Variants in BACH2 observed in about 807,000 individuals in gnomAD.
BACH2 encodes transcription regulator protein BACH2.
In BACH2, 5 loss-of-function variants were observed where a neutral mutation model predicts 61.8. The ratio of observed to expected loss-of-function variants is 0.08; its 90% confidence interval spans 0.04 to 0.17. The LOEUF (loss-of-function observed/expected upper bound fraction) is 0.17. Ranked by LOEUF, BACH2 falls within the 10% of genes least tolerant of loss-of-function variation. The pLI is 1.00. For synonymous variants in BACH2, 446 were observed against 440.1 expected, an observed-to-expected ratio of 1.01 and a Z score of -0.17; for missense variants, 824 against 1,091.1, an observed-to-expected ratio of 0.76 and a Z score of 3.45.
chr6:90,163,315 T>TATGTA (rs1767470454), intron 4 of BACH2, among the ~76,000 whole-genome samples: 1 of 152,136 alleles, frequency 6.6e-6, no homozygotes, highest in African/African-American at 2.4e-5. Flanking sequence ...AAATAAGTCC[T>TATGTA]TGGTACTATG....
In BACH2 at chr6:90,296,784, CGCTGCTGCCGCTGCT is replaced by C. The variant is rs1193707672; in HGVS notation, c.-765_-751del. On this transcript the variant is annotated 5_prime_UTR_variant, in exon 1 of 9. Coordinates refer to ENST00000257749, the MANE Select transcript of BACH2 (RefSeq NM_021813.4). ...CGACCGCAGCCCGGGCGTGCACGGC[CGCTGCTGCCGCTGCT>C]GCTGCTGCTGCTGCTGCTGAGGCGG... 16 of 172,422 alleles carry C rather than the reference CGCTGCTGCCGCTGCT, an allele frequency of 9.3e-5. No individual in the cohort carries two copies. The highest frequency in any genetic ancestry group is 3.4e-4 in the East Asian group (2 of 5,842). 10.7% of individuals were successfully genotyped at this position (172,422 alleles called of 1,614,324 possible).
intron 1 of BACH2, among the ~76,000 whole-genome samples, chr6:90,273,836 T>C (rs1187021364): frequency 1.3e-5 from 2 of 152,224 alleles, no homozygotes; most frequent in Non-Finnish European, 2.9e-5. Context: ...TGCTCTTTCC[T>C]CTGGGTGCCC....
At chr6:90,157,816 G>A (rs1453707626) in intron 4 of BACH2, among the ~76,000 whole-genome samples, 1 of 152,162 alleles carries the variant, frequency 6.6e-6, no homozygotes, top group Non-Finnish European at 1.5e-5. Context: ...CATTTGAAAG[G>A]TATTCATTGA....
chr6:89,988,971 C>T (rs936151848), intron 6 of BACH2, among the ~76,000 whole-genome samples: 15 of 152,140 alleles, frequency 9.9e-5, no homozygotes, highest in African/African-American at 2.9e-4. Flanking sequence ...AAATCTAGGT[C>T]GAACTCTAGA....
chr6:89,985,184 T>A (rs1004203220), intron 6 of BACH2, among the ~76,000 whole-genome samples: 2 of 152,234 alleles, frequency 1.3e-5, no homozygotes, highest in Non-Finnish European at 2.9e-5. Context: ...AGCACTGCTA[T>A]CTTTCCTGGG....
intron 2 of BACH2, among the ~76,000 whole-genome samples, chr6:90,255,090 A>T (rs986362505): frequency 2.6e-5 from 4 of 152,174 alleles, no homozygotes; most frequent in African/African-American, 7.2e-5. Flanking sequence ...AATACAAATC[A>T]TATCTCTATG....
At chr6:89,999,554 A>G (rs925268679) in intron 6 of BACH2, among the ~76,000 whole-genome samples, 2 of 152,208 alleles carry the variant, frequency 1.3e-5, no homozygotes, top group African/African-American at 4.8e-5. Context: ...ATAAATTAAA[A>G]AGTTTAATTA....
chr6:90,133,056 A>T (rs576948280), intron 4 of BACH2, among the ~76,000 whole-genome samples: 1 of 152,330 alleles, frequency 6.6e-6, no homozygotes, highest in East Asian at 1.9e-4. Context: ...TATAGCACTT[A>T]CTGCTTTGAT....
At chr6:89,962,664 C>A (rs137894932) in intron 6 of BACH2, among the ~76,000 whole-genome samples, 1 of 152,130 alleles carries the variant, frequency 6.6e-6, no homozygotes, top group African/African-American at 2.4e-5. Context: ...ACACTTCTAG[C>A]CCTCCTGAAT....
At chr6:90,016,279 G>C (rs1403316633) in intron 5 of BACH2, among the ~76,000 whole-genome samples, 1 of 152,060 alleles carries the variant, frequency 6.6e-6, no homozygotes, top group Non-Finnish European at 1.5e-5. Flanking sequence ...CAATTGATTT[G>C]GCTAGGTTTA....
chr6:90,028,598 A>G (rs925442616), intron 5 of BACH2, among the ~76,000 whole-genome samples: 43 of 152,066 alleles, frequency 2.8e-4, no homozygotes, highest in African/African-American at 1.0e-3. Context: ...AAACCACGTG[A>G]GCTCTCTGTA....
intron 5 of BACH2, among the ~76,000 whole-genome samples, chr6:90,088,445 C>A (rs2127807302): frequency 6.6e-6 from 1 of 152,260 alleles, no homozygotes; most frequent in East Asian, 1.9e-4. Context: ...CTGGGCTGGA[C>A]TTCCAAATGT....
chr6:89,933,698 A>C (rs753802502), intron 8 of BACH2, among the ~76,000 whole-genome samples: 2 of 152,150 alleles, frequency 1.3e-5, no homozygotes, highest in South Asian at 4.1e-4. Flanking sequence ...CTAAAAAAGT[A>C]AGTCAGGCTG....
intron 4 of BACH2, among the ~76,000 whole-genome samples, chr6:90,176,566 A>C (rs972317049): frequency 1.3e-5 from 2 of 152,114 alleles, no homozygotes; most frequent in Non-Finnish European, 2.9e-5. Context: ...TAGATCAGGG[A>C]AACGACACAC....
intron 3 of BACH2, among the ~76,000 whole-genome samples, chr6:90,235,522 T>C (rs183143993): frequency 6.6e-6 from 1 of 152,302 alleles, no homozygotes; most frequent in Admixed American, 6.5e-5. Flanking sequence ...TATAGAGAAA[T>C]GCCCTTCAAC....
chr6:90,147,963 T>C (rs1041994431), intron 4 of BACH2, among the ~76,000 whole-genome samples: 15 of 152,066 alleles, frequency 9.9e-5, no homozygotes, highest in African/African-American at 2.7e-4. Context: ...ACAGAGGAAA[T>C]AGAAAATCTT....
chr6:90,213,348 A>C (rs1769420851), intron 3 of BACH2, among the ~76,000 whole-genome samples: 1 of 152,210 alleles, frequency 6.6e-6, no homozygotes. Flanking sequence ...TACTTTGGAA[A>C]TTTTGTAGGA....
chr6:90,008,819 G>C lies in BACH2; in HGVS notation c.26C>G (p.Ser9Cys). MSVDEKPD[S>C]PMYVYESTVH... is the part of the protein sequence containing the mutation. ...TGTGGACTCATACACATACATGGGG[G>C]AGTCAGGCTTCTCATCCACAGACAT... Residue 9 changes from serine to cysteine, a missense_variant, in exon 6 of 9, where the codon TCC becomes TGC. Ser to Cys is a moderately radical substitution (Grantham distance 112). Around this residue, in one of 8 missense-constraint regions of BACH2, gnomAD observed 66 missense variants for 144.8 expected, o/e 0.46. Transcript: ENST00000257749. The surrounding 1 kb of genome is among the most constrained non-coding windows in gnomAD (Gnocchi z 4.1). 1 of 1,614,136 alleles carries C rather than the reference G, an allele frequency of 6.2e-7. No individual in the cohort carries two copies. Among genetic ancestry groups the C allele is most frequent in the South Asian group, 1.1e-5 (1 of 91,076 alleles).
At chr6:90,116,772 C>A (rs1017245675) in intron 4 of BACH2, 4 of 459,780 alleles carry the variant, frequency 8.7e-6, no homozygotes, top group South Asian at 5.3e-5. Context: ...AAGTAATTTG[C>A]GCCTACAGTG....
Sources: allele counts gnomAD v4.1 joint callset (sites outside exome capture counted in the v4.1 genomes callset), GRCh38; gene constraint gnomAD v4.1.1; regional missense constraint gnomAD v4.1.1; non-coding constraint Gnocchi (gnomAD v3.1); transcripts MANE v1.5; gene names NCBI Gene and HGNC (gene_info 2026-07-23, HGNC 2026-07-21).